The following PDS5B variants were observed in gnomAD, a reference collection of about 807,000 sequenced individuals.
PDS5B encodes the protein sister chromatid cohesion protein PDS5 homolog B.
In PDS5B, 51 loss-of-function variants were observed where a neutral mutation model predicts 184.1. That is an observed-to-expected ratio of 0.28 (90% CI 0.22 to 0.35). The LOEUF (loss-of-function observed/expected upper bound fraction) is 0.35, where lower values mean the gene tolerates loss of function less well. Ranked by LOEUF, PDS5B falls within the 10% of genes least tolerant of loss-of-function variation. The pLI is 1.00. For synonymous variants in PDS5B, 566 were observed against 569.2 expected, an observed-to-expected ratio of 0.99 and a Z score of 0.08; for missense variants, 1,180 against 1,723.3, an observed-to-expected ratio of 0.68 and a Z score of 5.58.
intron 23 of PDS5B, among the ~76,000 whole-genome samples, chr13:32,743,580 T>G (rs889760541): frequency 6.6e-6 from 1 of 152,140 alleles, no homozygotes; most frequent in African/African-American, 2.4e-5. Flanking sequence ...ATCTAAAGAC[T>G]TTAATAAGAA....
intron 10 of PDS5B, among the ~76,000 whole-genome samples, chr13:32,680,181 TG>T (rs957643971): frequency 2.6e-5 from 4 of 151,720 alleles, no homozygotes; most frequent in Admixed American, 6.6e-5. Flanking sequence ...TGATTAAGAG[TG>T]GGGGGGCTAA....
At chr13:32,678,094 G>A (rs538501732) in intron 9 of PDS5B, among the ~76,000 whole-genome samples, 3 of 152,214 alleles carry the variant, frequency 2.0e-5, no homozygotes, top group African/African-American at 7.2e-5. Context: ...AGAGGAGCCT[G>A]TTAATTCACA....
intron 1 of PDS5B, among the ~76,000 whole-genome samples, chr13:32,640,769 T>C (rs1236505680): frequency 1.3e-5 from 2 of 150,728 alleles, no homozygotes; most frequent in African/African-American, 2.4e-5. Context: ...ATCAGCACAT[T>C]GTTGGCCAGG....
chr13:32,771,396 T>C (rs1284949617), intron 33 of PDS5B, among the ~76,000 whole-genome samples: 2 of 152,202 alleles, frequency 1.3e-5, no homozygotes, highest in Admixed American at 6.5e-5. Context: ...AGAGTATCAC[T>C]GCTGTAATTT....
intron 19 of PDS5B, among the ~76,000 whole-genome samples, chr13:32,725,657 A>C (rs371108566): frequency 2.0e-5 from 3 of 152,216 alleles, no homozygotes; most frequent in Admixed American, 6.5e-5. Context: ...GGATACTTAC[A>C]GTTCAAATTC....
chr13:32,609,876 A>C (rs974626007), intron 1 of PDS5B, among the ~76,000 whole-genome samples: 3 of 150,868 alleles, frequency 2.0e-5, no homozygotes, highest in African/African-American at 7.3e-5. Flanking sequence ...AGAGGCTAAA[A>C]TTGTGGGGAT....
intron 13 of PDS5B, among the ~76,000 whole-genome samples, chr13:32,691,729 T>C (rs980904381): frequency 1.3e-5 from 2 of 152,138 alleles, no homozygotes; most frequent in Admixed American, 6.6e-5. Flanking sequence ...AGTATATAGC[T>C]AGGAGTGGAG....
chr13:32,594,102 G>T (rs903339379), intron 1 of PDS5B, among the ~76,000 whole-genome samples: 2 of 152,152 alleles, frequency 1.3e-5, no homozygotes. Flanking sequence ...CCACAAACAT[G>T]TACAATTATA....
chr13:32,711,384 G>A (rs765308253), intron 19 of PDS5B, among the ~76,000 whole-genome samples: 1 of 151,802 alleles, frequency 6.6e-6, no homozygotes, highest in Non-Finnish European at 1.5e-5. Context: ...CTGACTTGAA[G>A]TCTTACTCTG....
chr13:32,703,416 A>G (rs1275130915), intron 17 of PDS5B, among the ~76,000 whole-genome samples: 1 of 152,200 alleles, frequency 6.6e-6, no homozygotes, highest in Non-Finnish European at 1.5e-5. Context: ...GGTCATAGTG[A>G]TCTAGAAGGT....
At chr13:32,714,559 G>A (rs1952311752) in intron 19 of PDS5B, among the ~76,000 whole-genome samples, 1 of 152,158 alleles carries the variant, frequency 6.6e-6, no homozygotes, top group South Asian at 2.1e-4. Flanking sequence ...CGCACCTGGG[G>A]GGGCTGTTTA....
At chr13:32,679,139 AGAACTCCT>A (rs976447528) in intron 10 of PDS5B, among the ~76,000 whole-genome samples, 1 of 150,912 alleles carries the variant, frequency 6.6e-6, no homozygotes, top group African/African-American at 2.4e-5. Flanking sequence ...AAGCTTGCTT[AGAACTCCT>A]GAACTCAAGC....
chr13:32,586,836 C>T (rs1019336193), intron 1 of PDS5B, among the ~76,000 whole-genome samples: 16 of 145,490 alleles, frequency 1.1e-4, no homozygotes, highest in Admixed American at 7.5e-4. Flanking sequence ...TGGGGAGGGC[C>T]CCGCGGCCGG....
intron 26 of PDS5B, among the ~76,000 whole-genome samples, chr13:32,756,852 G>T (rs914024642): frequency 2.0e-5 from 3 of 152,100 alleles, no homozygotes; most frequent in Admixed American, 1.3e-4. Flanking sequence ...GCCAGGCCTG[G>T]TGGCTCATGC....
At chr13:32,647,812 A>G (rs1383995850) in intron 1 of PDS5B, among the ~76,000 whole-genome samples, 1 of 151,988 alleles carries the variant, frequency 6.6e-6, no homozygotes. Context: ...GTTGTGTGGT[A>G]TTTCTGCTGG....
rs1164970867 is a variant in PDS5B at position 32,740,791 on chromosome 13, C to T, written c.2407-289C>T. ...TTAAATAATTGAATCTCAAAAGGGG[C>T]TAAATAAGGGAGTGATGTGTAAGAA... On this transcript the variant is annotated intron_variant, in intron 21 of 34. Transcript: ENST00000315596. Among the ~76,000 whole-genome samples the T allele has an allele frequency of 2.0e-5, 3 of 151,768 alleles. No individual in the cohort carries two copies. The East Asian group carries it at 5.8e-4, about 29-fold the overall frequency.
chr13:32,747,198 A>T (rs750914689), intron 24 of PDS5B, among the ~76,000 whole-genome samples: 2 of 152,234 alleles, frequency 1.3e-5, no homozygotes, highest in Non-Finnish European at 2.9e-5. Flanking sequence ...GGACTTTCAC[A>T]TTAGTAAATA....
chr13:32,612,322 C>T (rs2058156510), intron 1 of PDS5B, among the ~76,000 whole-genome samples: 1 of 152,176 alleles, frequency 6.6e-6, no homozygotes, highest in South Asian at 2.1e-4. Context: ...CTCACCTCGG[C>T]CTCCCAAAGT....
intron 19 of PDS5B, among the ~76,000 whole-genome samples, chr13:32,724,044 A>G (rs563756445): frequency 1.5e-4 from 23 of 152,318 alleles, no homozygotes; most frequent in Non-Finnish European, 2.9e-4. Flanking sequence ...CTGTCGTTTC[A>G]TCTGTATATC....
Sources: gnomAD v4.1 joint callset for allele counts (sites outside exome capture counted in the v4.1 genomes callset) on GRCh38, gnomAD v4.1.1 for gene constraint, MANE v1.5 for transcripts, NCBI Gene and HGNC (gene_info 2026-07-23, HGNC 2026-07-21) for gene names.